The following TLK1 variants were observed in gnomAD, a reference collection of about 807,000 sequenced individuals.
TLK1 encodes the protein tousled like kinase 1.
In TLK1, 24 loss-of-function variants were observed where a neutral mutation model predicts 105.3. That is an observed-to-expected ratio of 0.23 (90% CI 0.17 to 0.32). TLK1 has a LOEUF of 0.32. TLK1 is among the 10% of genes least tolerant of loss of function. The probability of loss-of-function intolerance (pLI) is 1.00; values close to 1 mark genes in which losing one functional copy is unlikely to be tolerated. For synonymous variants in TLK1, 321 were observed against 310.4 expected (o/e 1.03, Z -0.36); for missense variants, 558 against 910.5 (o/e 0.61, Z 4.98).
intron 11 of TLK1, among the ~76,000 whole-genome samples, chr2:171,037,933 A>T (rs1686452691): frequency 6.6e-6 from 1 of 152,148 alleles, no homozygotes; most frequent in Admixed American, 6.5e-5. Flanking sequence ...GACTGGCACT[A>T]TTTCATCCTT....
intron 1 of TLK1, among the ~76,000 whole-genome samples, chr2:171,174,978 C>T (rs13420171): frequency 0.23 from 34,971 of 152,086 alleles, 4,447 homozygotes; most frequent in Middle Eastern, 0.31. Context: ...TGAAGTAGCT[C>T]ATGCCTATAA....
In TLK1 at chr2:171,185,910, G is replaced by T. The variant is rs571879902; in HGVS notation, c.-6+45235C>A. On this transcript the variant is annotated intron_variant, in intron 1 of 20. Coordinates refer to the TLK1 transcript ENST00000521943. Reference sequence around the variant, plus strand: ...AGTTTGAAAAATAATGAACGAAGTGGTATATCTTATTAAAACCTGAACTAA... The same window carrying T: ...AGTTTGAAAAATAATGAACGAAGTGTTATATCTTATTAAAACCTGAACTAA... Among the ~76,000 whole-genome samples the T allele has an allele frequency of 2.0e-5, 3 of 152,300 alleles. No individual in the cohort carries two copies. The East Asian group carries it at 5.8e-4, about 29-fold the overall frequency.
intron 11 of TLK1, among the ~76,000 whole-genome samples, chr2:171,037,630 A>G (rs1396542647): frequency 3.9e-5 from 6 of 152,178 alleles, no homozygotes; most frequent in Non-Finnish European, 5.9e-5. Flanking sequence ...TAAGATAGTC[A>G]TATGATTTTT....
intron 1 of TLK1, among the ~76,000 whole-genome samples, chr2:171,213,358 G>A (rs1439879488): frequency 6.6e-6 from 1 of 151,166 alleles, no homozygotes; most frequent in African/African-American, 2.4e-5. Flanking sequence ...ATGCACCACC[G>A]TGCCCAGCTA....
In TLK1 at chr2:171,144,916, C is replaced by A. The variant is rs542197717; in HGVS notation, c.139+15374G>T. Among the ~76,000 whole-genome samples, 5 of 152,208 alleles carry A rather than the reference C, an allele frequency of 3.3e-5. 1 individual carries two copies. The highest frequency in any genetic ancestry group is 1.2e-4 in the African/African-American group (5 of 41,528). On this transcript the variant is annotated intron_variant, in intron 1 of 20. Coordinates refer to ENST00000431350, the MANE Select transcript of TLK1 (RefSeq NM_012290.5). ...CAGACAAATGAACAAAAGATTTGAA[C>A]AAGCACTTCACAAAGGATAACGAAA...
chr2:171,222,854 G>A (rs766201805), intron 1 of TLK1, among the ~76,000 whole-genome samples: 5 of 151,316 alleles, frequency 3.3e-5, no homozygotes, highest in Non-Finnish European at 2.9e-5. Context: ...TCGCTCTGTC[G>A]CCCAGGCTGG....
At chr2:171,122,135 C>CG (rs930284844) in intron 1 of TLK1, among the ~76,000 whole-genome samples, 6 of 152,052 alleles carry the variant, frequency 3.9e-5, no homozygotes, top group African/African-American at 1.4e-4. Context: ...TTAGTGAAGA[C>CG]GGGGTTTCAC....
intron 1 of TLK1, among the ~76,000 whole-genome samples, chr2:171,148,895 AT>A (rs1213890245): frequency 8.6e-6 from 1 of 116,730 alleles, no homozygotes; most frequent in East Asian, 2.2e-4. Flanking sequence ...AAAAAAATAT[AT>A]ATATATATAT....
Position 170,992,624 on chromosome 2 carries a change from T to TA in TLK1, c.*1155dup, listed in dbSNP as rs983565747. On this transcript the variant is annotated 3_prime_UTR_variant, in exon 21 of 21. Transcript: ENST00000431350. ...AGCCCTAGAACCCAATAAACTGATT[T>TA]AAAAACTCAATTATGTCCAACATGG... is the stretch of plus-strand genomic sequence containing the variant. 6 of 152,572 alleles carry TA rather than the reference T, an allele frequency of 3.9e-5. No homozygotes were observed. Among genetic ancestry groups the TA allele is most frequent in the African/African-American group, 1.4e-4 (6 of 41,450 alleles). The allele number at this position is 152,572 out of a possible 1,614,324, so 9.5% of individuals were successfully genotyped here.
intron 1 of TLK1, among the ~76,000 whole-genome samples, chr2:171,217,167 C>T (rs1274548038): frequency 2.0e-5 from 3 of 152,210 alleles, no homozygotes; most frequent in Non-Finnish European, 4.4e-5. Context: ...TCATTCAGAG[C>T]CTGGCATGAT....
At chr2:171,077,930 T>A (rs1688586126) in intron 3 of TLK1, among the ~76,000 whole-genome samples, 1 of 152,208 alleles carries the variant, frequency 6.6e-6, no homozygotes, top group Non-Finnish European at 1.5e-5. Context: ...CACTTGACTT[T>A]GTGGACTCCT....
intron 2 of TLK1, among the ~76,000 whole-genome samples, chr2:171,116,631 C>T (rs1045547381): frequency 3.3e-5 from 5 of 150,240 alleles, no homozygotes; most frequent in Non-Finnish European, 5.9e-5. Context: ...ACCTGGGAGG[C>T]GGAGGTTGCA....
At chr2:171,059,532 T>C (rs1348676026) in intron 4 of TLK1, among the ~76,000 whole-genome samples, 2 of 152,216 alleles carry the variant, frequency 1.3e-5, no homozygotes, top group Non-Finnish European at 2.9e-5. Flanking sequence ...CCCTGATTTT[T>C]TTCTTTTTTT....
At chr2:171,215,097 C>T (rs1381669794) in intron 1 of TLK1, among the ~76,000 whole-genome samples, 1 of 152,128 alleles carries the variant, frequency 6.6e-6, no homozygotes, top group Non-Finnish European at 1.5e-5. Flanking sequence ...GGCAACACCA[C>T]ACCTGGCTAA....
chr2:171,191,031 C>T lies in TLK1; in HGVS notation c.-6+40114G>A, dbSNP rs114403242. Among the ~76,000 whole-genome samples the T allele has an allele frequency of 3.7e-3, 559 of 151,822 alleles. 5 individuals are homozygous for T. Among genetic ancestry groups the T allele is most frequent in the African/African-American group, 0.013 (538 of 41,404 alleles). Reference sequence around the variant, plus strand: ...CAAAAATTAGCTGGGCGTGGTGGTGCGGGCCTATAATTCCAGCACTAGGGA... The same window carrying T: ...CAAAAATTAGCTGGGCGTGGTGGTGTGGGCCTATAATTCCAGCACTAGGGA... On this transcript the variant is annotated intron_variant, in intron 1 of 20. Transcript: ENST00000521943.
chr2:171,225,655 AC>A (rs986436943), intron 1 of TLK1, among the ~76,000 whole-genome samples: 5 of 152,110 alleles, frequency 3.3e-5, no homozygotes, highest in African/African-American at 1.2e-4. Flanking sequence ...ACAAAAAAAA[AC>A]CCTAACGTTT....
rs547480978 is a variant in TLK1, at chr2:171,049,757, A to G, written c.980+57T>C. 1.3e-4 allele frequency: 215 copies of G among 1,595,782 alleles called. 1 individual carries two copies. The African/African-American group carries it at 2.6e-3, about 20-fold the overall frequency. On this transcript the variant is annotated intron_variant, in intron 10 of 20. Coordinates refer to ENST00000431350, the MANE Select transcript of TLK1 (RefSeq NM_012290.5). ...CATAATTACAAATCTATAATCTTTT[A>G]AAGTAATGAAAACCCAAACGAATAC...
At position 171,139,055 on chromosome 2, in the gene TLK1, A is replaced by G. The variant is rs549015539; in HGVS notation, c.140-21198T>C. Among the ~76,000 whole-genome samples, 416 of 152,354 alleles carry G rather than the reference A, an allele frequency of 2.7e-3. 2 individuals are homozygous for G. Among genetic ancestry groups the G allele is most frequent in the Non-Finnish European group, 3.4e-3 (228 of 68,040 alleles). On this transcript the variant is annotated intron_variant, in intron 1 of 20. Coordinates refer to ENST00000431350, the MANE Select transcript of TLK1 (RefSeq NM_012290.5). ...ATATTAAACTACTGCTCAAAGGGTT[A>G]TAATTTAAAAGAAGCAAAGTGACTA...
chr2:171,191,772 C>A (rs906022709), intron 1 of TLK1, among the ~76,000 whole-genome samples: 1 of 152,068 alleles, frequency 6.6e-6, no homozygotes, highest in Admixed American at 6.5e-5. Context: ...TCTACCGAGG[C>A]ATAAGAAAGG....
Sources: gnomAD v4.1 joint callset for allele counts (sites outside exome capture counted in the v4.1 genomes callset) on GRCh38, gnomAD v4.1.1 for gene constraint, MANE v1.5 for transcripts, NCBI Gene and HGNC (gene_info 2026-07-23, HGNC 2026-07-21) for gene names.